COL6A3: variants seen among roughly 807,000 people sequenced by gnomAD.
COL6A3 encodes the protein collagen type VI alpha 3 chain, also known as collagen alpha-3(VI) chain.
In COL6A3, 137 loss-of-function variants were observed where a neutral mutation model predicts 274.1. The ratio of observed to expected loss-of-function variants is 0.50; its 90% confidence interval spans 0.44 to 0.58. The LOEUF is 0.58. Among genes scored for constraint, COL6A3 ranks in the 20% least tolerant of loss-of-function variants. The pLI, the probability that COL6A3 is intolerant of heterozygous loss-of-function variation, is 0.00. For missense variants in COL6A3, 3,950 were observed against 4,124.9 expected (o/e 0.96, Z 1.16); for synonymous variants, 1,650 against 1,650.6 (o/e 1.00, Z 0.01).
intron 26 of COL6A3, 79 bp downstream of exon 26, chr2:237,352,443 T>A (rs1366658237): frequency 1.5e-6 from 2 of 1,375,960 alleles, no homozygotes; most frequent in Admixed American, 1.9e-5. Context: ...AATAGCATCA[T>A]CCGAGAAACT....
At chr2:237,329,502 A>C (rs2106304391) in intron 42 of COL6A3, 1 of 152,354 alleles carries the variant, frequency 6.6e-6, no homozygotes, top group African/African-American at 2.4e-5. Context: ...ACCAGAAAAC[A>C]TCCTCACACA....
At chr2:237,349,189 C>G (rs1331002412) in intron 28 of COL6A3, among the ~76,000 whole-genome samples, 1 of 151,496 alleles carries the variant, frequency 6.6e-6, no homozygotes, top group Non-Finnish European at 1.5e-5. Context: ...GTTCCTGTTG[C>G]TCTCTCATGA....
At chr2:237,360,356 T>C (rs2077407764) in intron 16 of COL6A3, among the ~76,000 whole-genome samples, 197 bp from the exon 17 acceptor site, 1 of 152,092 alleles carries the variant, frequency 6.6e-6, no homozygotes, top group Non-Finnish European at 1.5e-5. Context: ...GAACCTGCAG[T>C]TTCCCTGAAG....
chr2:237,359,465 G>C (rs1574975459), intron 17 of COL6A3, 77 bp from the exon 18 acceptor site: 12 of 1,429,066 alleles, frequency 8.4e-6, no homozygotes, highest in Non-Finnish European at 1.2e-5. Flanking sequence ...GCCAAGGGCT[G>C]TTCCCCCACT....
rs80185031 is a variant in COL6A3, at chr2:237,372,562, T to G, written c.3680-225A>C. Among the ~76,000 whole-genome samples the G allele has an allele frequency of 4.7e-3, 712 of 152,256 alleles. 29 individuals are homozygous for G. Among genetic ancestry groups the G allele is most frequent in the Admixed American group, 0.039 (602 of 15,314 alleles). On this transcript the variant is annotated intron_variant, in intron 8 of 43. Coordinates refer to ENST00000295550, the MANE Select transcript of COL6A3 (RefSeq NM_004369.4). ...CGACGGAGGCAGAATCAGAAGAGCCTCATCAGCACCAGCGAGGATGGTACT... is the reference window on the plus strand; with the variant it reads ...CGACGGAGGCAGAATCAGAAGAGCCGCATCAGCACCAGCGAGGATGGTACT...
intron 1 of COL6A3, among the ~76,000 whole-genome samples, chr2:237,406,890 ATTTC>A (rs1242368480): frequency 1.5e-4 from 21 of 144,086 alleles, no homozygotes; most frequent in African/African-American, 5.4e-4. Flanking sequence ...TGGATTTCAC[ATTTC>A]TTTCTTTTTT....
At position 237,394,812 on chromosome 2, in the gene COL6A3, A is replaced by C; in HGVS notation, c.484T>G (p.Ser162Ala). The C allele has an allele frequency of 6.2e-7, 1 of 1,614,184 alleles. No individual in the cohort carries two copies. Among genetic ancestry groups the C allele is most frequent in the Non-Finnish European group, 8.5e-7 (1 of 1,180,030 alleles). The change falls in exon 3 of 44, where the codon TCA becomes GCA. Residue 162 changes from serine (S) to alanine (A), a missense_variant. Physicochemically the swap from Ser to Ala is moderately conservative, Grantham distance 99 (BLOSUM62 1). Coordinates refer to ENST00000295550, the MANE Select transcript of COL6A3 (RefSeq NM_004369.4). ...ACATCAGCAGACTTAAGTTCCGCTG[A>C]GGGCAGAGCAAGGCCATCCTTCGAG... is the stretch of plus-strand genomic sequence containing the variant. ...GHSKDGLALP[S>A]AELKSADVNV...
At chr2:237,358,766 T>C (rs1304897970) in intron 20 of COL6A3, among the ~76,000 whole-genome samples, 183 bp from the exon 21 acceptor site, 1 of 152,232 alleles carries the variant, frequency 6.6e-6, no homozygotes, top group African/African-American at 2.4e-5. Flanking sequence ...TGAATATTTA[T>C]TGGGGACCCA....
chr2:237,336,001 A>G, intron 40 of COL6A3, 134 bp downstream of exon 40: 1 of 1,142,796 alleles, frequency 8.8e-7, no homozygotes, highest in Non-Finnish European at 1.3e-6. Flanking sequence ...ACCTCTTAAA[A>G]TACATCATCC....
At position 237,342,176 on chromosome 2, in the gene COL6A3, A is replaced by G; in HGVS notation, c.7669-15T>C. The G allele has an allele frequency of 6.2e-7, 1 of 1,612,698 alleles. No homozygotes were observed. The highest frequency in any genetic ancestry group is 2.2e-5 in the East Asian group (1 of 44,878). On this transcript the variant is annotated splice_polypyrimidine_tract_variant and intron_variant, in intron 36 of 43. Coordinates refer to ENST00000295550, the MANE Select transcript of COL6A3 (RefSeq NM_004369.4). ...GTGTTATTGATCTGGTTTAAACAAA[A>G]GAACAATTTTGGTAGGGGCGTACAT...
chr2:237,351,080 G>T (rs779952203), intron 27 of COL6A3, 50 bp downstream of exon 27: 8 of 1,568,502 alleles, frequency 5.1e-6, no homozygotes, highest in Non-Finnish European at 6.1e-6. Context: ...GGGCATGTGT[G>T]CCTGGCTGGT....
chr2:237,334,535 G>A, intron 41 of COL6A3, 91 bp downstream of exon 41: 2 of 1,410,724 alleles, frequency 1.4e-6, no homozygotes, highest in Admixed American at 1.8e-5. Context: ...GGTTATTTCA[G>A]AATAGATTCA....
chr2:237,390,559 C>A (rs1477848343), intron 3 of COL6A3, among the ~76,000 whole-genome samples: 1 of 152,168 alleles, frequency 6.6e-6, no homozygotes, highest in Non-Finnish European at 1.5e-5. Flanking sequence ...TGGTTTTCTG[C>A]TTCTATGCTT....
intron 9 of COL6A3, among the ~76,000 whole-genome samples, chr2:237,369,712 C>T (rs145728149): frequency 7.0e-4 from 107 of 152,370 alleles, no homozygotes; most frequent in African/African-American, 2.5e-3. Flanking sequence ...TAACACAGTG[C>T]CATATCCAAG....
intron 38 of COL6A3, 120 bp downstream of exon 38, chr2:237,340,332 T>A (rs1574938747): frequency 1.1e-6 from 1 of 949,336 alleles, no homozygotes; most frequent in African/African-American, 1.6e-5. Context: ...ATATGTCTGT[T>A]CAATGAATGA....
intron 36 of COL6A3, chr2:237,343,864 C>A: frequency 4.0e-6 from 1 of 249,832 alleles, no homozygotes; most frequent in Non-Finnish European, 7.9e-6. Context: ...TCACGAGCAC[C>A]TCACTAACAG....
In COL6A3 at chr2:237,394,537, A is replaced by G. The variant is rs996301410; in HGVS notation, c.709+50T>C. 3 of 1,612,200 alleles carry G rather than the reference A, an allele frequency of 1.9e-6. No individual in the cohort carries two copies. In the African/African-American group the frequency reaches 4.0e-5, roughly 22 times the overall value. On this transcript the variant is annotated intron_variant, in intron 3 of 43. Transcript: ENST00000295550. Reference sequence around the variant, plus strand: ...TTTAAGGCCAGCAGTTGCCAAGCTCATCTCCCAAGAACAGCAGGGCAGGGC... The same window carrying G: ...TTTAAGGCCAGCAGTTGCCAAGCTCGTCTCCCAAGAACAGCAGGGCAGGGC...
chr2:237,357,519 G>T (rs2106339411), intron 22 of COL6A3, 128 bp from the exon 23 acceptor site: 4 of 920,286 alleles, frequency 4.3e-6, no homozygotes, highest in Non-Finnish European at 7.2e-6. Context: ...CAGGACAGTT[G>T]CACACTTTGC....
intron 28 of COL6A3, among the ~76,000 whole-genome samples, chr2:237,349,724 A>G (rs1031601142): frequency 2.6e-5 from 4 of 152,240 alleles, no homozygotes; most frequent in African/African-American, 7.2e-5. Context: ...TATTCCTAAG[A>G]TGTCTCATTC....
Sources: gnomAD v4.1 joint callset for allele counts (sites outside exome capture counted in the v4.1 genomes callset) on GRCh38, gnomAD v4.1.1 for gene constraint, MANE v1.5 for transcripts, NCBI Gene and HGNC (gene_info 2026-07-23, HGNC 2026-07-21) for gene names.